Variants in LRRC3B observed in about 807,000 individuals in gnomAD.
LRRC3B encodes the protein leucine-rich repeat-containing protein 3B.
LRRC3B carries 2 observed loss-of-function variants against 12.8 expected under a neutral mutation model. The observed-to-expected ratio is 0.16, with a 90% CI of 0.06 to 0.49. The LOEUF (loss-of-function observed/expected upper bound fraction) is 0.49. LRRC3B is among the 20% of genes least tolerant of loss of function. The pLI is 0.96. For synonymous variants in LRRC3B, 132 were observed against 122.0 expected, an observed-to-expected ratio of 1.08 and a Z score of -0.54; for missense variants, 189 against 319.4, an observed-to-expected ratio of 0.59 and a Z score of 3.11.
chr3:26,676,353 C>A (rs564537874), intron 1 of LRRC3B, among the ~76,000 whole-genome samples: 3 of 149,746 alleles, frequency 2.0e-5, no homozygotes, highest in African/African-American at 7.4e-5. Context: ...TTTGTCCTTG[C>A]GATAGTTTGC....
intron 1 of LRRC3B, among the ~76,000 whole-genome samples, chr3:26,667,673 AATATC>A (rs1432844733): frequency 2.0e-5 from 3 of 152,186 alleles, no homozygotes; most frequent in East Asian, 1.9e-4. Context: ...ATTTTCTGGA[AATATC>A]ATATAATATT....
chr3:26,657,768 G>A (rs1264714465), intron 1 of LRRC3B, among the ~76,000 whole-genome samples: 1 of 152,066 alleles, frequency 6.6e-6, no homozygotes, highest in African/African-American at 2.4e-5. Flanking sequence ...ATGATTGTCT[G>A]GCTTGGCTTT....
At chr3:26,654,853 A>G (rs187299719) in intron 1 of LRRC3B, among the ~76,000 whole-genome samples, 203 of 152,332 alleles carry the variant, frequency 1.3e-3, no homozygotes, top group Non-Finnish European at 2.1e-3. Context: ...TGCCTGGAAA[A>G]AAGCAGAAAT....
At chr3:26,629,123 GGTAA>G (rs773520306) in intron 1 of LRRC3B, among the ~76,000 whole-genome samples, 4 of 152,078 alleles carry the variant, frequency 2.6e-5, no homozygotes, top group Non-Finnish European at 5.9e-5. Context: ...TTGACAAAGT[GGTAA>G]GTATGTTTTC....
At chr3:26,625,844 A>C (rs1310078527) in intron 1 of LRRC3B, among the ~76,000 whole-genome samples, 4 of 152,194 alleles carry the variant, frequency 2.6e-5, no homozygotes, top group Non-Finnish European at 5.9e-5. Flanking sequence ...CCTCACAACA[A>C]CCCTGAAAAA....
intron 1 of LRRC3B, among the ~76,000 whole-genome samples, chr3:26,708,208 G>T (rs1026324534): frequency 6.6e-6 from 1 of 152,154 alleles, no homozygotes; most frequent in Non-Finnish European, 1.5e-5. Flanking sequence ...TGCTCTTCTT[G>T]TTTCTTAGAT....
At chr3:26,710,528 C>A in exon 2 of LRRC3B, 1 of 1,384,120 alleles carries the variant, frequency 7.2e-7, no homozygotes, top group Non-Finnish European at 9.8e-7. Context: ...TTACTTCTCC[C>A]ATCCATTGTA....
At chr3:26,666,075 G>C (rs1036052175) in intron 1 of LRRC3B, among the ~76,000 whole-genome samples, 4 of 152,166 alleles carry the variant, frequency 2.6e-5, no homozygotes, top group Admixed American at 2.6e-4. Context: ...AAGGGAAAGA[G>C]TGAAGGAGAG....
At chr3:26,679,296 G>A (rs539039583) in intron 1 of LRRC3B, among the ~76,000 whole-genome samples, 1 of 152,206 alleles carries the variant, frequency 6.6e-6, no homozygotes, top group African/African-American at 2.4e-5. Flanking sequence ...AATCCCAGTG[G>A]CTTCTCATAA....
At chr3:26,705,047 A>C (rs1700551444) in intron 1 of LRRC3B, among the ~76,000 whole-genome samples, 1 of 152,288 alleles carries the variant, frequency 6.6e-6, no homozygotes, top group Non-Finnish European at 1.5e-5. Context: ...AGGGTTAATA[A>C]AAGCTTTTGG....
At chr3:26,696,024 TA>T (rs1345194837) in intron 1 of LRRC3B, among the ~76,000 whole-genome samples, 1 of 152,206 alleles carries the variant, frequency 6.6e-6, no homozygotes, top group Non-Finnish European at 1.5e-5. Context: ...TTCAATGATG[TA>T]GACCAGGAAT....
At chr3:26,636,455 A>T (rs775770205) in intron 1 of LRRC3B, among the ~76,000 whole-genome samples, 1 of 152,196 alleles carries the variant, frequency 6.6e-6, no homozygotes, top group African/African-American at 2.4e-5. Context: ...TCAAGATGCT[A>T]TTCATCTTTA....
chr3:26,666,183 G>T (rs1699594465), intron 1 of LRRC3B, among the ~76,000 whole-genome samples: 1 of 152,130 alleles, frequency 6.6e-6, no homozygotes, highest in African/African-American at 2.4e-5. Flanking sequence ...TTAGTCAAAT[G>T]AATTTAGAAA....
intron 1 of LRRC3B, among the ~76,000 whole-genome samples, chr3:26,646,628 A>G (rs1004258456): frequency 7.7e-6 from 1 of 130,238 alleles, no homozygotes; most frequent in Non-Finnish European, 1.7e-5. Context: ...AAAAAAAAAA[A>G]AAAAAAAACG....
chr3:26,634,154 G>A (rs1181938368), intron 1 of LRRC3B, among the ~76,000 whole-genome samples: 4 of 152,210 alleles, frequency 2.6e-5, no homozygotes, highest in Non-Finnish European at 5.9e-5. Context: ...GTTGACCACA[G>A]GTGAGAGTTT....
intron 1 of LRRC3B, among the ~76,000 whole-genome samples, chr3:26,640,561 A>T (rs375844770): frequency 6.6e-6 from 1 of 152,172 alleles, no homozygotes; most frequent in South Asian, 2.1e-4. Context: ...AGTAACTGAC[A>T]TTTAAAAATC....
intron 1 of LRRC3B, among the ~76,000 whole-genome samples, chr3:26,647,845 T>C (rs545553616): frequency 2.0e-5 from 3 of 152,306 alleles, no homozygotes; most frequent in Admixed American, 2.0e-4. Flanking sequence ...AATACCCAGC[T>C]TCAGAGGGAG....
intron 1 of LRRC3B, among the ~76,000 whole-genome samples, chr3:26,697,264 C>A (rs916434825): frequency 6.6e-6 from 1 of 152,120 alleles, no homozygotes; most frequent in African/African-American, 2.4e-5. Flanking sequence ...GGGGTATGGC[C>A]ACACTAACTC....
chr3:26,685,921 T>C (rs1489908122), intron 1 of LRRC3B, among the ~76,000 whole-genome samples: 1 of 152,058 alleles, frequency 6.6e-6, no homozygotes, highest in Non-Finnish European at 1.5e-5. Flanking sequence ...GTGGCAAACA[T>C]TCTCTAAGAT....
Sources: allele counts gnomAD v4.1 joint callset (sites outside exome capture counted in the v4.1 genomes callset), GRCh38; gene constraint gnomAD v4.1.1; transcripts MANE v1.5; gene names NCBI Gene and HGNC (gene_info 2026-07-23, HGNC 2026-07-21).